Variants in FARS2 observed in about 807,000 individuals in gnomAD.
FARS2 encodes the protein phenylalanine--tRNA ligase, mitochondrial.
In FARS2, 40 loss-of-function variants were observed where a neutral mutation model predicts 46.4. The observed-to-expected ratio is 0.86, with a 90% CI of 0.67 to 1.12. FARS2 has a LOEUF of 1.12. FARS2 is among the 50% of genes most tolerant of loss of function. The pLI is 0.00. For synonymous variants in FARS2, 234 were observed against 214.9 expected (o/e 1.09, Z -0.78); for missense variants, 513 against 567.9 (o/e 0.90, Z 0.98).
chr6:5,725,803 C>T (rs760390184), intron 6 of FARS2, among the ~76,000 whole-genome samples: 54 of 152,076 alleles, frequency 3.6e-4, no homozygotes, highest in African/African-American at 9.4e-4. Flanking sequence ...GGGCGTGGCG[C>T]GCACACCTGT....
At chr6:5,265,455 TTA>T (rs941777569) in intron 1 of FARS2, among the ~76,000 whole-genome samples, 2 of 152,220 alleles carry the variant, frequency 1.3e-5, no homozygotes, top group African/African-American at 4.8e-5. Flanking sequence ...ATTGGCTGAG[TTA>T]TATAAGTAGA....
At chr6:5,640,338 A>G (rs1212886235) in intron 6 of FARS2, among the ~76,000 whole-genome samples, 3 of 152,202 alleles carry the variant, frequency 2.0e-5, no homozygotes, top group Non-Finnish European at 2.9e-5. Context: ...TTAAGCAGTC[A>G]TGGCAGGATT....
intron 2 of FARS2, among the ~76,000 whole-genome samples, chr6:5,386,964 G>T (rs1253771975): frequency 1.3e-5 from 2 of 152,144 alleles, no homozygotes; most frequent in African/African-American, 2.4e-5. Context: ...GGTACGCAGG[G>T]TAAAGACTGT....
intron 6 of FARS2, among the ~76,000 whole-genome samples, chr6:5,684,951 A>T (rs1363952249): frequency 1.3e-5 from 2 of 152,170 alleles, no homozygotes; most frequent in African/African-American, 4.8e-5. Context: ...TCAAGGAAAA[A>T]AGATTAAGTG....
At chr6:5,596,420 C>T (rs924454701) in intron 5 of FARS2, among the ~76,000 whole-genome samples, 2 of 152,182 alleles carry the variant, frequency 1.3e-5, no homozygotes, top group African/African-American at 2.4e-5. Context: ...ACCTTTTTGT[C>T]ATATGTAGGT....
chr6:5,613,415 T>C, intron 6 of FARS2, 95 bp downstream of exon 6: 1 of 1,039,448 alleles, frequency 9.6e-7, no homozygotes, highest in South Asian at 1.5e-5. Context: ...ACCCAGGGTA[T>C]CTGAGACAAA....
At chr6:5,474,762 G>T (rs1766023637) in intron 4 of FARS2, among the ~76,000 whole-genome samples, 1 of 145,008 alleles carries the variant, frequency 6.9e-6, no homozygotes, top group Non-Finnish European at 1.5e-5. Flanking sequence ...CTGGATTAAA[G>T]CAGTTCTCTA....
At chr6:5,465,009 G>A (rs1229174589) in intron 4 of FARS2, among the ~76,000 whole-genome samples, 1 of 152,196 alleles carries the variant, frequency 6.6e-6, no homozygotes, top group African/African-American at 2.4e-5. Context: ...GGTGGAGAGT[G>A]CGGAAGCTTG....
At position 5,686,347 on chromosome 6, in the gene FARS2, C is replaced by G. The variant is rs554157326; in HGVS notation, c.1217+73027C>G. On this transcript the variant is annotated intron_variant, in intron 6 of 6. Coordinates refer to ENST00000274680, the MANE Select transcript of FARS2 (RefSeq NM_006567.5). The stretch of plus-strand genomic sequence containing the variant: ...AGGTATATCTCCTAATGCTCTCCCC[C>G]CCCGCTGCCCACACCACGCAACAGG... Among the ~76,000 whole-genome samples the G allele has an allele frequency of 3.4e-4, 52 of 151,092 alleles. 1 individual carries two copies. Among genetic ancestry groups the G allele is most frequent in the Admixed American group, 9.8e-4 (15 of 15,236 alleles).
intron 3 of FARS2, among the ~76,000 whole-genome samples, chr6:5,420,396 A>G (rs73350592): frequency 0.013 from 1,914 of 152,292 alleles, 47 homozygotes; most frequent in African/African-American, 0.043. Flanking sequence ...ACAGTCTCAA[A>G]TCTCATCTGA....
At chr6:5,715,029 A>G (rs1278713318) in intron 6 of FARS2, among the ~76,000 whole-genome samples, 1 of 152,220 alleles carries the variant, frequency 6.6e-6, no homozygotes, top group Non-Finnish European at 1.5e-5. Flanking sequence ...CATCTCAAAA[A>G]TAAAAAATAA....
chr6:5,397,853 GT>G (rs1404252910), intron 2 of FARS2, among the ~76,000 whole-genome samples: 2 of 152,016 alleles, frequency 1.3e-5, no homozygotes, highest in East Asian at 3.9e-4. Flanking sequence ...GCCATATATT[GT>G]TACTCAGTCT....
At chr6:5,361,405 A>G (rs1321765553) in intron 1 of FARS2, among the ~76,000 whole-genome samples, 1 of 152,172 alleles carries the variant, frequency 6.6e-6, no homozygotes, top group Non-Finnish European at 1.5e-5. Flanking sequence ...CATTTACATT[A>G]TTTCCTTGTG....
chr6:5,581,341 G>A (rs1773315800), intron 5 of FARS2, among the ~76,000 whole-genome samples: 2 of 152,176 alleles, frequency 1.3e-5, no homozygotes, highest in Admixed American at 6.5e-5. Flanking sequence ...AATGAGGGTC[G>A]GCCATCGTGG....
At chr6:5,712,542 A>G (rs778943013) in intron 6 of FARS2, among the ~76,000 whole-genome samples, 41 of 152,234 alleles carry the variant, frequency 2.7e-4, no homozygotes, top group Non-Finnish European at 2.8e-4. Context: ...CTCCTCAGCA[A>G]CTCGGAAATG....
At chr6:5,622,551 G>T (rs551126790) in intron 6 of FARS2, among the ~76,000 whole-genome samples, 1 of 152,168 alleles carries the variant, frequency 6.6e-6, no homozygotes, top group Admixed American at 6.5e-5. Context: ...AATGGGATTC[G>T]TGCCCTTATA....
At chr6:5,437,997 T>C (rs1763622780) in intron 4 of FARS2, among the ~76,000 whole-genome samples, 1 of 152,080 alleles carries the variant, frequency 6.6e-6, no homozygotes. Context: ...TTATTTCCCC[T>C]TTAGTTTGAA....
chr6:5,633,093 G>A (rs1776372222), intron 6 of FARS2, among the ~76,000 whole-genome samples: 1 of 151,658 alleles, frequency 6.6e-6, no homozygotes, highest in Admixed American at 6.6e-5. Context: ...AAGATATAAG[G>A]AGTAAAATTT....
intron 5 of FARS2, among the ~76,000 whole-genome samples, chr6:5,579,584 T>A (rs1393148917): frequency 1.3e-5 from 2 of 152,110 alleles, no homozygotes; most frequent in African/African-American, 4.8e-5. Context: ...TATTATGAGG[T>A]TTTAATGCCT....
Sources: allele counts gnomAD v4.1 joint callset (sites outside exome capture counted in the v4.1 genomes callset), GRCh38; gene constraint gnomAD v4.1.1; transcripts MANE v1.5; gene names NCBI Gene and HGNC (gene_info 2026-07-23, HGNC 2026-07-21).